The following PAN2 variants were observed in gnomAD, a reference collection of about 807,000 sequenced individuals.
The protein encoded by PAN2 is PAN2-PAN3 deadenylation complex catalytic subunit PAN2.
In PAN2, 68 loss-of-function variants were observed where a neutral mutation model predicts 133.3. The observed-to-expected ratio is 0.51, with a 90% CI of 0.42 to 0.62. The LOEUF is 0.62. PAN2 is among the 20% of genes least tolerant of loss of function. PAN2 has a pLI of 0.00. For synonymous variants in PAN2, 462 were observed against 544.6 expected, an observed-to-expected ratio of 0.85 and a Z score of 2.11; for missense variants, 1,042 against 1,500.5, an observed-to-expected ratio of 0.69 and a Z score of 5.05.
intron 17 of PAN2, 76 bp from the exon 18 acceptor site, chr12:56,322,834 G>C: frequency 2.0e-6 from 2 of 1,001,574 alleles, no homozygotes; most frequent in South Asian, 2.7e-5. Flanking sequence ...AGAGGACAGG[G>C]AGTTGGGGGT....
Position 56,328,220 on chromosome 12 carries a change from C to T in PAN2, c.573+18G>A. 1.3e-6 allele frequency: 2 copies of T among 1,587,336 alleles called. No homozygotes were observed. Among genetic ancestry groups the T allele is most frequent in the Non-Finnish European group, 1.7e-6 (2 of 1,164,208 alleles). ...AACCTCAGACCCCACATAGGTCTTT[C>T]TTGCCCCAAGCTTGTACCTTCTGAG... is the stretch of plus-strand genomic sequence containing the variant. On this transcript the variant is annotated intron_variant, in intron 4 of 25. Transcript: ENST00000440411.
rs773235923 is a variant in PAN2 at position 56,323,807 on chromosome 12, C to T, written c.2172G>A (p.Thr724=). The T allele has an allele frequency of 8.1e-6, 13 of 1,602,686 alleles. No individual in the cohort carries two copies. Among genetic ancestry groups the T allele is most frequent in the African/African-American group, 2.7e-5 (2 of 74,746 alleles). ...WCDTCEKYQP[T]IQTRNIRHLP... is the part of the protein sequence containing the mutation. ...TAGTCCAGTCCAACAGTCCACTCAC[C>T]GTGGGCTGGTACTTTTCACAGGTGT... is the stretch of plus-strand genomic sequence containing the variant. The change falls in exon 14 of 26, where the codon ACG becomes ACA. Residue 724 remains threonine (T), a splice_region_variant and synonymous_variant. Transcript: ENST00000440411.
At chr12:56,332,652 C>CTCCTAGA (rs1876043293) in intron 2 of PAN2, 161 bp downstream of exon 2, 1 of 566,118 alleles carries the variant, frequency 1.8e-6, no homozygotes, top group East Asian at 3.3e-5. Context: ...ATGTCATTTA[C>CTCCTAGA]TCCTAGATCC....
rs771490974 is a variant in PAN2, at chr12:56,326,797, G to A, written c.1082C>T (p.Pro361Leu). Reference sequence around the variant, plus strand: ...GGAGTAGGGGTTGAAGGAAGGCTCCGGGGAATCAGTCCAGAGGTGCACACA... The same window carrying A: ...GGAGTAGGGGTTGAAGGAAGGCTCCAGGGAATCAGTCCAGAGGTGCACACA... ...EGCVHLWTDS[P>L]EPSFNPYSRE... is the part of the protein sequence containing the mutation. Residue 361 changes from proline (P) to leucine (L), a missense_variant, in exon 7 of 26, where the codon CCG becomes CTG. Physicochemically the swap from Pro to Leu is moderately conservative, Grantham distance 98. Coordinates refer to ENST00000440411, the MANE Select transcript of PAN2 (RefSeq NM_014871.6). 32 of 1,614,068 alleles carry A rather than the reference G, an allele frequency of 2.0e-5. No individual in the cohort carries two copies. Among genetic ancestry groups the A allele is most frequent in the South Asian group, 1.3e-4 (12 of 91,084 alleles).
At chr12:56,333,390 T>C (rs1362386616) in intron 1 of PAN2, 182 bp from the exon 2 acceptor site, 8 of 447,886 alleles carry the variant, frequency 1.8e-5, no homozygotes, top group Non-Finnish European at 2.5e-5. Flanking sequence ...CTGTTGTCCC[T>C]ATCCCTCCTC....
chr12:56,318,481 T>C, intron 24 of PAN2, 47 bp from the exon 25 acceptor site: 1 of 1,454,926 alleles, frequency 6.9e-7, no homozygotes, highest in Admixed American at 1.7e-5. Context: ...CAAAGGGAGG[T>C]AGGAACATGT....
chr12:56,317,288 T>C lies in PAN2; in HGVS notation c.*321A>G, dbSNP rs1197168313. 3 of 334,986 alleles carry C rather than the reference T, an allele frequency of 9.0e-6. No homozygotes were observed. Among genetic ancestry groups the C allele is most frequent in the Admixed American group, 4.4e-5 (1 of 22,712 alleles). 20.8% of individuals were successfully genotyped at this position (334,986 alleles called of 1,614,324 possible). A position where few individuals can be genotyped will look rare whatever the true frequency, so the allele number is the denominator to read the frequency against. ...CTAGCCAGCTAGGAACTTACAGTTA[T>C]GGTTCCAGGAGCTTCTCTGCCTGGA... On this transcript the variant is annotated 3_prime_UTR_variant, in exon 26 of 26. Transcript: ENST00000440411.
intron 24 of PAN2, chr12:56,318,680 C>A (rs980124060): frequency 8.2e-6 from 4 of 490,786 alleles, no homozygotes; most frequent in Non-Finnish European, 1.4e-5. Flanking sequence ...TTTTTCTTTT[C>A]CCCCCATGCT....
chr12:56,330,763 G>A (rs1349256110), intron 2 of PAN2, among the ~76,000 whole-genome samples: 1 of 151,922 alleles, frequency 6.6e-6, no homozygotes, highest in African/African-American at 2.4e-5. Flanking sequence ...AAAGTGCCGG[G>A]ATTACAGGTG....
intron 2 of PAN2, 128 bp downstream of exon 2, chr12:56,332,685 A>G: frequency 1.2e-6 from 1 of 867,262 alleles, no homozygotes; most frequent in East Asian, 2.4e-5. Flanking sequence ...TTATCCCTCC[A>G]ACCAGACCCA....
chr12:56,328,011 C>A lies in PAN2; in HGVS notation c.635G>T (p.Gly212Val). The A allele has an allele frequency of 6.2e-7, 1 of 1,613,910 alleles. No homozygotes were observed. Among genetic ancestry groups the A allele is most frequent in the Non-Finnish European group, 8.5e-7 (1 of 1,179,884 alleles). ...MRQTNRFFFC[G>V]HTSGKVSLRD... ...CTTGGCCACCTTGCCAGACGTGTGG[C>A]CGCAGAAGAAGAAGCGATTTGTCTG... Residue 212 changes from glycine (G) to valine (V), a missense_variant, in exon 5 of 26, where the codon GGC (glycine) becomes GTC (valine). Transcript: ENST00000440411.
intron 25 of PAN2, 121 bp downstream of exon 25, chr12:56,318,116 G>GC (rs1255179567): frequency 1.3e-6 from 1 of 796,688 alleles, no homozygotes; most frequent in African/African-American, 1.7e-5. Context: ...AGTCGAGGCT[G>GC]CAGTGAGCTG....
intron 8 of PAN2, among the ~76,000 whole-genome samples, 183 bp from the exon 9 acceptor site, chr12:56,325,637 T>G (rs1592439601): frequency 6.6e-6 from 1 of 152,358 alleles, no homozygotes; most frequent in East Asian, 1.9e-4. Context: ...GATGGACAAC[T>G]GTGATGGCGT....
In PAN2 at chr12:56,319,979, G is replaced by A. The variant is rs1256930591; in HGVS notation, c.2831C>T (p.Ser944Leu). The A allele has an allele frequency of 3.7e-6, 6 of 1,614,040 alleles. No individual in the cohort carries two copies. Among genetic ancestry groups the A allele is most frequent in the Admixed American group, 1.7e-5 (1 of 59,996 alleles). ...TGTTTTCCGCTGCTTCCGTGCCAGC[G>A]AGGCTTCAGCCAGCAAGACACTTGC... Reference protein sequence around the residue: ...IEASVLLAEASLARKQRKTHT... With the variant: ...IEASVLLAEALLARKQRKTHT... The change falls in exon 21 of 26, where the codon TCG becomes TTG. Residue 944 changes from serine (S) to leucine (L), a missense_variant. By Grantham distance (145) the Ser-to-Leu change is moderately radical. Transcript: ENST00000440411. This position sits in a 1 kb window ranked among gnomAD's most constrained non-coding sequence, Gnocchi z 5.4.
chr12:56,325,263 A>G (rs1426257543), intron 9 of PAN2, 72 bp downstream of exon 9: 30 of 1,599,606 alleles, frequency 1.9e-5, no homozygotes, highest in South Asian at 2.3e-5. Context: ...GAGTCCTTCA[A>G]TCCTTTCTCA....
In PAN2 at chr12:56,324,109, A is replaced by G; in HGVS notation, c.2005T>C (p.Cys669Arg). ...CEMENCSLCR[C>R]GSETVRASST... is the part of the protein sequence containing the mutation. ...GAGGCTCGCACGGTCTCACTGCCAC[A>G]GCGGCAGAGGCTGCAGTTCTCCATC... The change falls in exon 13 of 26, where the codon TGT (cysteine) becomes CGT (arginine). Residue 669 changes from cysteine to arginine, a missense_variant. Physicochemically the swap from Cys to Arg is radical, Grantham distance 180. Coordinates refer to ENST00000440411, the MANE Select transcript of PAN2 (RefSeq NM_014871.6). 6.2e-7 allele frequency: 1 copy of G among 1,614,150 alleles called. No homozygotes were observed. Among genetic ancestry groups the G allele is most frequent in the Non-Finnish European group, 8.5e-7 (1 of 1,180,002 alleles).
At chr12:56,322,569 C>T in intron 18 of PAN2, 46 bp downstream of exon 18, 1 of 1,612,724 alleles carries the variant, frequency 6.2e-7, no homozygotes, top group Non-Finnish European at 8.5e-7. Context: ...CTGGGACTCA[C>T]TGTGGCCATC....
intron 20 of PAN2, among the ~76,000 whole-genome samples, chr12:56,320,894 C>G (rs1385249678): frequency 1.3e-5 from 2 of 151,162 alleles, no homozygotes; most frequent in Admixed American, 6.6e-5. Context: ...GAAACCCTGT[C>G]TCTACTAAAA....
rs1358542019 is a variant in PAN2 at position 56,327,617 on chromosome 12, G to C, written c.666C>G (p.Asp222Glu). ...CATGTTCCACCTTAAAAGTACGGAG[G>C]TCTCTCAGGGAAACCTAGAAAAAAA... is the stretch of plus-strand genomic sequence containing the variant. ...GHTSGKVSLR[D>E]LRTFKVEHEF... Residue 222 changes from aspartate (D) to glutamate (E), a missense_variant, in exon 6 of 26, where the codon GAC becomes GAG. By Grantham distance (45) the Asp-to-Glu change is conservative (BLOSUM62 2). Transcript: ENST00000440411. 9 of 1,612,988 alleles carry C rather than the reference G, an allele frequency of 5.6e-6. No homozygotes were observed. The highest frequency in any genetic ancestry group is 7.6e-6 in the Non-Finnish European group (9 of 1,179,264).
Sources: gnomAD v4.1 joint callset for allele counts (sites outside exome capture counted in the v4.1 genomes callset) on GRCh38, gnomAD v4.1.1 for gene constraint, Gnocchi (gnomAD v3.1) non-coding constraint, MANE v1.5 for transcripts, NCBI Gene and HGNC (gene_info 2026-07-23, HGNC 2026-07-21) for gene names.